The following TMTC4 variants were observed in gnomAD, a reference collection of about 807,000 sequenced individuals.
The protein encoded by TMTC4 is transmembrane O-mannosyltransferase targeting cadherins 4, also known as protein O-mannosyl-transferase TMTC4.
In TMTC4, 65 loss-of-function variants were observed where a neutral mutation model predicts 86.0. The observed-to-expected ratio is 0.76, with a 90% CI of 0.62 to 0.93. The LOEUF (loss-of-function observed/expected upper bound fraction) is 0.93. Ranked by LOEUF, TMTC4 falls within the 40% of genes least tolerant of loss-of-function variation. The pLI, the probability that TMTC4 is intolerant of heterozygous loss-of-function variation, is 0.00. For synonymous variants in TMTC4, 379 were observed against 382.5 expected (o/e 0.99, Z 0.11); for missense variants, 866 against 948.1 (o/e 0.91, Z 1.14).
chr13:100,649,320 C>T (rs1884135090), intron 6 of TMTC4, among the ~76,000 whole-genome samples: 1 of 152,124 alleles, frequency 6.6e-6, no homozygotes, highest in South Asian at 2.1e-4. Context: ...CACATAATTC[C>T]CCAAATTAAG....
Position 100,605,061 on chromosome 13 carries a change from G to A in TMTC4, c.2216C>T (p.Ser739Leu). The change falls in exon 19 of 19, where the codon TCA becomes TTA. Residue 739 changes from serine to leucine, a missense_variant. Coordinates refer to ENST00000342624, the MANE Select transcript of TMTC4 (RefSeq NM_032813.5). This position sits in a 1 kb window ranked among gnomAD's most constrained non-coding sequence, Gnocchi z 4.3. ...CAGACCGTAATTCTCCTTAGTTCCT[G>A]ATGCCGTGGGGTCAAGCTGCAAGGA... ...EISLQLDPTA[S>L]GTKENYGLLR... 6.2e-7 allele frequency: 1 copy of A among 1,614,066 alleles called. No homozygotes were observed. Among genetic ancestry groups the A allele is most frequent in the Non-Finnish European group, 8.5e-7 (1 of 1,180,008 alleles).
intron 12 of TMTC4, among the ~76,000 whole-genome samples, chr13:100,630,738 A>G (rs1421595073): frequency 2.0e-5 from 3 of 152,174 alleles, no homozygotes; most frequent in Non-Finnish European, 4.4e-5. Context: ...GTTCCAGGCA[A>G]ATTCTGTTTT....
chr13:100,651,264 C>T (rs556015574), intron 6 of TMTC4, among the ~76,000 whole-genome samples: 4 of 152,098 alleles, frequency 2.6e-5, no homozygotes, highest in Non-Finnish European at 5.9e-5. Context: ...GATCTGTTTC[C>T]AATCTGAAAT....
intron 15 of TMTC4, among the ~76,000 whole-genome samples, chr13:100,619,048 C>T (rs1043829274): frequency 2.0e-5 from 3 of 152,102 alleles, no homozygotes; most frequent in Non-Finnish European, 4.4e-5. Flanking sequence ...AGGGGCTCCT[C>T]ACTTCCCAGT....
At chr13:100,614,257 T>G in intron 16 of TMTC4, 59 bp downstream of exon 16, 2 of 1,268,070 alleles carry the variant, frequency 1.6e-6, no homozygotes, top group South Asian at 2.7e-5. Context: ...TCCTAAGTCT[T>G]CGGTGGCATT....
At chr13:100,632,071 T>A (rs1881521349) in intron 12 of TMTC4, among the ~76,000 whole-genome samples, 4 of 148,480 alleles carry the variant, frequency 2.7e-5, no homozygotes, top group African/African-American at 1.0e-4. Context: ...TCTCTCTCTC[T>A]CTCTCTCTCT....
Position 100,670,344 on chromosome 13 carries a change from A to G in TMTC4, c.3+16T>C. ...GAGTGAAGATGGAGACAGATCCAAC[A>G]GGCAACGGGACACACCATTCCATGG... On this transcript the variant is annotated intron_variant, in intron 2 of 18. Coordinates refer to ENST00000342624, the MANE Select transcript of TMTC4 (RefSeq NM_032813.5). 6.2e-7 allele frequency: 1 copy of G among 1,608,900 alleles called. No individual in the cohort carries two copies. The highest frequency in any genetic ancestry group is 8.5e-7 in the Non-Finnish European group (1 of 1,178,016).
chr13:100,604,081 G>T lies in TMTC4; in HGVS notation c.*913C>A, dbSNP rs776651790. 6 of 152,662 alleles carry T rather than the reference G, an allele frequency of 3.9e-5. No individual in the cohort carries two copies. Among genetic ancestry groups the T allele is most frequent in the African/African-American group, 1.4e-4 (6 of 41,554 alleles). 9.5% of individuals were successfully genotyped at this position (152,662 alleles called of 1,614,324 possible). A position where few individuals can be genotyped will look rare whatever the true frequency, so the allele number is the denominator to read the frequency against. On this transcript the variant is annotated 3_prime_UTR_variant, in exon 19 of 19. Transcript: ENST00000342624. ...ACAACTCAATTCTTAAAAATACCAC[G>T]AATTCCCCGAATGTGGCTCCATTTG...
At chr13:100,623,797 C>T (rs35144221) in intron 15 of TMTC4, 126,972 of 372,946 alleles carry the variant, frequency 0.34, 23,989 homozygotes, top group Admixed American at 0.52. Context: ...ATGGGCTCCA[C>T]AGCTGGGGCA....
chr13:100,672,497 C>G (rs1453144960), intron 1 of TMTC4, among the ~76,000 whole-genome samples: 1 of 152,128 alleles, frequency 6.6e-6, no homozygotes, highest in Non-Finnish European at 1.5e-5. Context: ...TACATCCCTT[C>G]CCCCCTTTTT....
At chr13:100,645,480 CCTGTGAGCAGGTGAGCCCT>C (rs1258794233) in intron 6 of TMTC4, among the ~76,000 whole-genome samples, 3 of 152,312 alleles carry the variant, frequency 2.0e-5, no homozygotes, top group South Asian at 2.1e-4. Context: ...CCTGACTGCC[CCTGTGAGCAGGTGAGCCCT>C]CTGTGAGCAG....
intron 6 of TMTC4, among the ~76,000 whole-genome samples, chr13:100,652,555 G>GA (rs1884592274): frequency 6.6e-6 from 1 of 152,082 alleles, no homozygotes; most frequent in Admixed American, 6.6e-5. Context: ...TGATCCAAAT[G>GA]AAAATATATA....
chr13:100,633,842 G>C (rs951853777), intron 12 of TMTC4, among the ~76,000 whole-genome samples: 1 of 151,906 alleles, frequency 6.6e-6, no homozygotes, highest in Admixed American at 6.6e-5. Flanking sequence ...ACATAGAAAA[G>C]AGGCAGTAAA....
intron 6 of TMTC4, among the ~76,000 whole-genome samples, chr13:100,654,674 C>G (rs1390341913): frequency 1.3e-5 from 2 of 151,942 alleles, no homozygotes; most frequent in African/African-American, 4.8e-5. Flanking sequence ...AAATGTCTAG[C>G]CTTTTCACTT....
At chr13:100,649,702 A>C (rs981875504) in intron 6 of TMTC4, among the ~76,000 whole-genome samples, 3 of 152,012 alleles carry the variant, frequency 2.0e-5, no homozygotes, top group African/African-American at 7.2e-5. Context: ...TTTCACTTTT[A>C]ATTTAATCTT....
At position 100,636,737 on chromosome 13, in the gene TMTC4, G is replaced by T. The variant is rs1222117635; in HGVS notation, c.1000-3C>A. The T allele has an allele frequency of 6.2e-7, 1 of 1,613,838 alleles. No homozygotes were observed. Reference sequence around the variant, plus strand: ...TAGTAGTAATTGTAGTTTACGGCCTGCCAGTCAAAAGGAGAACAAACATCT... The same window carrying T: ...TAGTAGTAATTGTAGTTTACGGCCTTCCAGTCAAAAGGAGAACAAACATCT... On this transcript the variant is annotated splice_polypyrimidine_tract_variant and splice_region_variant and intron_variant, in intron 9 of 18. Transcript: ENST00000342624.
chr13:100,625,713 T>C (rs1880396309), intron 14 of TMTC4, 37 bp from the exon 15 acceptor site: 2 of 1,611,424 alleles, frequency 1.2e-6, no homozygotes, highest in African/African-American at 1.3e-5. Context: ...AACAAGAAGA[T>C]GAAAGGCTTA....
rs74669189 is a variant in TMTC4 at position 100,654,169 on chromosome 13, C to T, written c.640+2212G>A. 2.2e-3 allele frequency among the ~76,000 whole-genome samples: 332 copies of T among 152,302 alleles called. 1 individual carries two copies. Among genetic ancestry groups the T allele is most frequent in the African/African-American group, 7.7e-3 (322 of 41,572 alleles). On this transcript the variant is annotated intron_variant, in intron 6 of 18. Transcript: ENST00000342624. ...TTTAACTGCCCCAAGTAACTTCAAC[C>T]AAGTCAAAATCTAGTCATCTTAAAA...
chr13:100,648,937 C>T (rs578085096), intron 6 of TMTC4, among the ~76,000 whole-genome samples: 3 of 152,300 alleles, frequency 2.0e-5, no homozygotes, highest in South Asian at 4.1e-4. Flanking sequence ...GATCCTCCCG[C>T]CTTGACCTCC....
Sources: allele counts gnomAD v4.1 joint callset (sites outside exome capture counted in the v4.1 genomes callset), GRCh38; gene constraint gnomAD v4.1.1; non-coding constraint Gnocchi (gnomAD v3.1); transcripts MANE v1.5; gene names NCBI Gene and HGNC (gene_info 2026-07-23, HGNC 2026-07-21).